Variants in FOSB observed in about 807,000 individuals in gnomAD.
The protein encoded by FOSB is FosB proto-oncogene, AP-1 transcription factor subunit, also known as protein FosB.
Under a neutral mutation model 31.1 loss-of-function variants are expected in FOSB, and 8 were observed. The observed-to-expected ratio is 0.26, with a 90% CI of 0.15 to 0.46. The LOEUF (loss-of-function observed/expected upper bound fraction) is 0.46, where lower values mean the gene tolerates loss of function less well. FOSB is among the 20% of genes least tolerant of loss of function. FOSB has a pLI of 0.99. For synonymous variants in FOSB, 214 were observed against 206.1 expected, an observed-to-expected ratio of 1.04 and a Z score of -0.33; for missense variants, 376 against 460.6, an observed-to-expected ratio of 0.82 and a Z score of 1.68.
In FOSB at chr19:45,472,931, C is replaced by T. The variant is rs200872647; in HGVS notation, c.936C>T (p.Ser312=). 29 of 1,613,886 alleles carry T rather than the reference C, an allele frequency of 1.8e-5. No homozygotes were observed. Among genetic ancestry groups the T allele is most frequent in the South Asian group, 1.1e-4 (10 of 91,084 alleles). The change falls in exon 4 of 4, where the codon TCC becomes TCT. Residue 312 remains serine (S), a synonymous_variant. Transcript: ENST00000353609. The surrounding 1 kb of genome is among the most constrained non-coding windows in gnomAD (Gnocchi z 5.4). ...TTGTCCTCACCTGCCCGGAGGTCTC[C>T]GCGTTCGCCGGCGCCCAACGCACCA... The part of the protein sequence containing the change: ...SSFVLTCPEV[S]AFAGAQRTSG...
At chr19:45,470,029 T>A (rs1967587276) in intron 1 of FOSB, 1 of 152,792 alleles carries the variant, frequency 6.5e-6, no homozygotes, top group Non-Finnish European at 1.5e-5. Flanking sequence ...TACCTGTCCG[T>A]TCACCCTAAA....
rs761585649 is a variant in FOSB, at chr19:45,472,812, C to A, written c.817C>A (p.Pro273Thr). The change falls in exon 4 of 4, where the codon CCC becomes ACC. Residue 273 changes from proline to threonine, a missense_variant. Physicochemically the swap from Pro to Thr is conservative, Grantham distance 38 (BLOSUM62 -1). Transcript: ENST00000353609. This position sits in a 1 kb window ranked among gnomAD's most constrained non-coding sequence, Gnocchi z 5.4. Reference protein sequence around the residue: ...PLPFQTSQDAPPNLTASLFTH... With the variant: ...PLPFQTSQDATPNLTASLFTH... ...GCCCTTCCAGACCAGCCAAGACGCA[C>A]CCCCCAACCTGACGGCTTCTCTCTT... The A allele has an allele frequency of 6.2e-7, 1 of 1,614,000 alleles. No individual in the cohort carries two copies. The highest frequency in any genetic ancestry group is 2.2e-5 in the East Asian group (1 of 44,884).
chr19:45,471,046 G>A, intron 2 of FOSB, 97 bp downstream of exon 2: 1 of 1,392,116 alleles, frequency 7.2e-7, no homozygotes, highest in Non-Finnish European at 1.0e-6. Flanking sequence ...AGGCCTCAGT[G>A]TTACAGAAAC....
In FOSB at chr19:45,473,730, C is replaced by T. The variant is rs529339302; in HGVS notation, c.*718C>T. On this transcript the variant is annotated 3_prime_UTR_variant, in exon 4 of 4. Transcript: ENST00000353609. Reference sequence around the variant, plus strand: ...TGGCTCTGATTGGAATTTCTGGCCTCCTAAGGCTCCCCACCCCGAAATCAG... The same window carrying T: ...TGGCTCTGATTGGAATTTCTGGCCTTCTAAGGCTCCCCACCCCGAAATCAG... The T allele has an allele frequency of 1.3e-5, 2 of 152,294 alleles. No homozygotes were observed. Among genetic ancestry groups the T allele is most frequent in the African/African-American group, 4.8e-5 (2 of 41,302 alleles). 9.4% of individuals were successfully genotyped at this position (152,294 alleles called of 1,614,324 possible).
Position 45,468,848 on chromosome 19 carries a change from T to A in FOSB, c.126+136T>A. The stretch of plus-strand genomic sequence containing the variant: ...AGATGGAAAAGGCTCACAGCGCACT[T>A]TGCAAACTGCAAAGAGTCGGGAGAT... On this transcript the variant is annotated intron_variant, in intron 1 of 3. Transcript: ENST00000353609. The surrounding 1 kb of genome is among the most constrained non-coding windows in gnomAD (Gnocchi z 4.8). 1.0e-6 allele frequency: 1 copy of A among 990,322 alleles called. No homozygotes were observed. Among genetic ancestry groups the A allele is most frequent in the Non-Finnish European group, 1.4e-6 (1 of 692,956 alleles). 61.3% of individuals were successfully genotyped at this position (990,322 alleles called of 1,614,324 possible). A position where few individuals can be genotyped will look rare whatever the true frequency, so the allele number is the denominator to read the frequency against.
chr19:45,471,074 A>G (rs1366834085), intron 2 of FOSB, 120 bp from the exon 3 acceptor site: 2 of 1,320,256 alleles, frequency 1.5e-6, no homozygotes, highest in South Asian at 2.5e-5. Context: ...TCCTTGCTAC[A>G]CGAGCGAGGA....
chr19:45,468,445 A>T lies in FOSB; in HGVS notation c.-142A>T. The T allele has an allele frequency of 1.2e-6, 1 of 845,406 alleles. No homozygotes were observed. 52.4% of individuals were successfully genotyped at this position (845,406 alleles called of 1,614,324 possible). On this transcript the variant is annotated 5_prime_UTR_variant, in exon 1 of 4. Transcript: ENST00000353609. The surrounding 1 kb of genome is among the most constrained non-coding windows in gnomAD (Gnocchi z 4.8). ...GCTCCTTCCCCGAGCTTCCCCGGAC[A>T]GCGTACTTTGAGGACTCGCTCAGCT...
At position 45,473,311 on chromosome 19, in the gene FOSB, C is replaced by A; in HGVS notation, c.*299C>A. 3.9e-6 allele frequency: 1 copy of A among 256,026 alleles called. No individual in the cohort carries two copies. Among genetic ancestry groups the A allele is most frequent in the Non-Finnish European group, 7.3e-6 (1 of 137,622 alleles). The allele number at this position is 256,026 out of a possible 1,614,324, so 15.9% of individuals were successfully genotyped here. ...GACTGTTGGCTCTCTGACGTCAACC[C>A]AAGCTCTGGGGATGGGTGGGGAGGG... On this transcript the variant is annotated 3_prime_UTR_variant, in exon 4 of 4. Transcript: ENST00000353609.
At position 45,470,777 on chromosome 19, in the gene FOSB, C is replaced by G; in HGVS notation, c.275C>G (p.Pro92Arg). Residue 92 changes from proline (P) to arginine (R), a missense_variant, in exon 2 of 4, where the codon CCG becomes CGG. This residue lies in a region of FOSB where 193 missense variants were observed against 207.1 expected (regional missense o/e 0.93). Coordinates refer to ENST00000353609, the MANE Select transcript of FOSB (RefSeq NM_006732.3). ...GGGCAGCCACTGGCCTCCCAGCCCC[C>G]GGTCGTCGACCCCTACGACATGCCG... is the stretch of plus-strand genomic sequence containing the variant. Reference protein sequence around the residue: ...SQGQPLASQPPVVDPYDMPGT... With the variant: ...SQGQPLASQPRVVDPYDMPGT... 1 of 1,613,938 alleles carries G rather than the reference C, an allele frequency of 6.2e-7. No individual in the cohort carries two copies. Among genetic ancestry groups the G allele is most frequent in the Middle Eastern group, 1.6e-4 (1 of 6,062 alleles).
rs370113314 is a variant in FOSB at position 45,470,894 on chromosome 19, G to A, written c.392G>A (p.Gly131Glu). The change falls in exon 2 of 4, where the codon GGG becomes GAG. Residue 131 changes from glycine (G) to glutamate (E), a missense_variant. Gly to Glu is a moderately conservative substitution (Grantham distance 98, BLOSUM62 -2). This residue lies in a region of FOSB where 193 missense variants were observed against 207.1 expected (regional missense o/e 0.93). Transcript: ENST00000353609. ...CCTTCCACCAGCGGAACTACCAGTGGGCCTGGGCCTGCCCGCCCAGCCCGA... is the reference window on the plus strand; with the variant it reads ...CCTTCCACCAGCGGAACTACCAGTGAGCCTGGGCCTGCCCGCCCAGCCCGA... ...GGPSTSGTTSGPGPARPARAR... is the reference protein window; with the variant it reads ...GGPSTSGTTSEPGPARPARAR... 6.2e-7 allele frequency: 1 copy of A among 1,613,728 alleles called. No individual in the cohort carries two copies. Among genetic ancestry groups the A allele is most frequent in the Admixed American group, 1.7e-5 (1 of 60,002 alleles).
In FOSB at chr19:45,468,633, G is replaced by T; in HGVS notation, c.47G>T (p.Ser16Ile). ...PGDYDSGSRCSSSPSAESQYL... is the reference protein window; with the variant it reads ...PGDYDSGSRCISSPSAESQYL... ...GACTACGACTCCGGCTCCCGGTGCA[G>T]CTCCTCACCCTCTGCCGAGTCTCAA... Residue 16 changes from serine (S) to isoleucine (I), a missense_variant, in exon 1 of 4, where the codon AGC (serine) becomes ATC (isoleucine). Physicochemically the swap from Ser to Ile is moderately radical, Grantham distance 142. This residue lies in a region of FOSB where 193 missense variants were observed against 207.1 expected (regional missense o/e 0.93). Coordinates refer to ENST00000353609, the MANE Select transcript of FOSB (RefSeq NM_006732.3). The surrounding 1 kb of genome is among the most constrained non-coding windows in gnomAD (Gnocchi z 4.8). The T allele has an allele frequency of 1.2e-6, 2 of 1,613,682 alleles. No individual in the cohort carries two copies. The highest frequency in any genetic ancestry group is 1.7e-6 in the Non-Finnish European group (2 of 1,179,898).
chr19:45,471,440 G>A, intron 3 of FOSB, 139 bp downstream of exon 3: 1 of 646,158 alleles, frequency 1.5e-6, no homozygotes, highest in South Asian at 1.9e-5. Flanking sequence ...GCTGTGGCCA[G>A]ACTGGGTAGC....
At chr19:45,471,399 A>C (rs1424997531) in intron 3 of FOSB, 98 bp downstream of exon 3, 2 of 907,274 alleles carry the variant, frequency 2.2e-6, no homozygotes, top group Non-Finnish European at 3.5e-6. Context: ...TGGGTTGAGA[A>C]CTAGACGTTC....
rs1403237151 is a variant in FOSB, at chr19:45,468,496, C to T, written c.-91C>T. 1.4e-6 allele frequency: 2 copies of T among 1,424,220 alleles called. No individual in the cohort carries two copies. The highest frequency in any genetic ancestry group is 1.4e-5 in the South Asian group (1 of 73,798). The allele number at this position is 1,424,220 out of a possible 1,614,324, so 88.2% of individuals were successfully genotyped here. On this transcript the variant is annotated 5_prime_UTR_variant, in exon 1 of 4. Transcript: ENST00000353609. The surrounding 1 kb of genome is among the most constrained non-coding windows in gnomAD (Gnocchi z 4.8). ...CACCGGGGACTCCCACGGCTCACCCCGGACTTGCACCTTACTTCCCCAACC... is the reference window on the plus strand; with the variant it reads ...CACCGGGGACTCCCACGGCTCACCCTGGACTTGCACCTTACTTCCCCAACC...
Position 45,470,615 on chromosome 19 carries a change from GT to G in FOSB, c.127-13del. The stretch of plus-strand genomic sequence containing the variant: ...TGTGTGTCTACGCCTGTGTGTGTAT[GT>G]GTCACCCCGTAGGAGTGCGCCGGTC... On this transcript the variant is annotated splice_polypyrimidine_tract_variant and intron_variant, in intron 1 of 3. Transcript: ENST00000353609. 6.3e-7 allele frequency: 1 copy of G among 1,591,144 alleles called. No homozygotes were observed. The highest frequency in any genetic ancestry group is 8.6e-7 in the Non-Finnish European group (1 of 1,168,798).
At position 45,472,602 on chromosome 19, in the gene FOSB, G is replaced by A. The variant is rs749866817; in HGVS notation, c.607G>A (p.Glu203Lys). 1 of 1,535,044 alleles carries A rather than the reference G, an allele frequency of 6.5e-7. No homozygotes were observed. Among genetic ancestry groups the A allele is most frequent in the South Asian group, 1.3e-5 (1 of 78,040 alleles). Residue 203 changes from glutamate (E) to lysine (K), a missense_variant, in exon 4 of 4, where the codon GAG (glutamate) becomes AAG (lysine). Physicochemically the swap from Glu to Lys is moderately conservative, Grantham distance 56 (BLOSUM62 1). Coordinates refer to ENST00000353609, the MANE Select transcript of FOSB (RefSeq NM_006732.3). This position sits in a 1 kb window ranked among gnomAD's most constrained non-coding sequence, Gnocchi z 5.4. The part of the protein sequence containing the change: ...EKAELESEIA[E>K]LQKEKERLEF... The stretch of plus-strand genomic sequence containing the variant: ...AGCAGAGCTGGAGTCGGAGATCGCC[G>A]AGCTCCAAAAGGAGAAGGAACGTCT...
chr19:45,472,108 C>T lies in FOSB; in HGVS notation c.556-443C>T, dbSNP rs75189353. 5.7e-3 allele frequency: 881 copies of T among 154,446 alleles called. 6 individuals are homozygous for T. The highest frequency in any genetic ancestry group is 0.033 in the Middle Eastern group (10 of 302). 9.6% of individuals were successfully genotyped at this position (154,446 alleles called of 1,614,324 possible). A position where few individuals can be genotyped will look rare whatever the true frequency, so the allele number is the denominator to read the frequency against. ...TAGTTGGGCATGGTGGTGCACACCA[C>T]TGTGGTCCCAGCTACTATGGAGGCT... On this transcript the variant is annotated intron_variant, in intron 3 of 3. Coordinates refer to ENST00000353609, the MANE Select transcript of FOSB (RefSeq NM_006732.3). This position sits in a 1 kb window ranked among gnomAD's most constrained non-coding sequence, Gnocchi z 5.4.
At position 45,473,253 on chromosome 19, in the gene FOSB, C is replaced by A; in HGVS notation, c.*241C>A. 1 of 488,162 alleles carries A rather than the reference C, an allele frequency of 2.0e-6. No homozygotes were observed. Among genetic ancestry groups the A allele is most frequent in the East Asian group, 3.6e-5 (1 of 27,664 alleles). The allele number at this position is 488,162 out of a possible 1,614,324, so 30.2% of individuals were successfully genotyped here. On this transcript the variant is annotated 3_prime_UTR_variant, in exon 4 of 4. Transcript: ENST00000353609. ...GCCGGAGAGCTGGTGACTTTGGGGA[C>A]AGGGGGTGGGAAGGGGATGGACACC...
Position 45,468,459 on chromosome 19 carries a change from A to G in FOSB, c.-128A>G. The G allele has an allele frequency of 1.0e-6, 1 of 966,406 alleles. No homozygotes were observed. The highest frequency in any genetic ancestry group is 1.6e-6 in the Non-Finnish European group (1 of 644,758). The allele number at this position is 966,406 out of a possible 1,614,324, so 59.9% of individuals were successfully genotyped here. On this transcript the variant is annotated 5_prime_UTR_variant, in exon 1 of 4. Coordinates refer to ENST00000353609, the MANE Select transcript of FOSB (RefSeq NM_006732.3). This position sits in a 1 kb window ranked among gnomAD's most constrained non-coding sequence, Gnocchi z 4.8. ...CTTCCCCGGACAGCGTACTTTGAGG[A>G]CTCGCTCAGCTCACCGGGGACTCCC...
Sources: gnomAD v4.1 joint callset for allele counts on GRCh38, gnomAD v4.1.1 for gene constraint, gnomAD v4.1.1 regional missense constraint, Gnocchi (gnomAD v3.1) non-coding constraint, MANE v1.5 for transcripts, NCBI Gene and HGNC (gene_info 2026-07-23, HGNC 2026-07-21) for gene names.